Variants in CTDSPL observed in about 807,000 individuals in gnomAD.
CTDSPL encodes CTD small phosphatase-like protein.
In CTDSPL, 8 loss-of-function variants were observed where a neutral mutation model predicts 30.5. That is an observed-to-expected ratio of 0.26 (90% CI 0.15 to 0.47). The LOEUF is 0.47. Ranked by LOEUF, CTDSPL falls within the 20% of genes least tolerant of loss-of-function variation. The probability of loss-of-function intolerance (pLI) is 0.99; values close to 1 mark genes in which losing one functional copy is unlikely to be tolerated. For missense variants in CTDSPL, 248 were observed against 366.1 expected (o/e 0.68, Z 2.63); for synonymous variants, 110 against 137.9 (o/e 0.80, Z 1.42).
intron 1 of CTDSPL, among the ~76,000 whole-genome samples, chr3:37,917,001 G>A (rs1229285405): frequency 6.6e-6 from 1 of 152,166 alleles, no homozygotes; most frequent in African/African-American, 2.4e-5. Context: ...GTTTTCTCCA[G>A]CTTCTTCACA....
intron 7 of CTDSPL, among the ~76,000 whole-genome samples, chr3:37,977,317 G>C (rs1699439954): frequency 6.6e-6 from 1 of 152,040 alleles, no homozygotes; most frequent in South Asian, 2.1e-4. Context: ...ATTTCAATCG[G>C]GATCCAAAAA....
intron 1 of CTDSPL, among the ~76,000 whole-genome samples, chr3:37,892,705 G>A (rs1188698300): frequency 6.6e-6 from 1 of 152,126 alleles, no homozygotes; most frequent in Non-Finnish European, 1.5e-5. Context: ...ACCATAAGCA[G>A]TTCATTTAAA....
intron 1 of CTDSPL, among the ~76,000 whole-genome samples, chr3:37,874,554 A>G (rs1293069799): frequency 6.6e-6 from 1 of 151,990 alleles, no homozygotes; most frequent in East Asian, 1.9e-4. Context: ...ACATGGTGAA[A>G]CCCCGTCTCT....
intron 1 of CTDSPL, among the ~76,000 whole-genome samples, chr3:37,925,693 A>T (rs184336539): frequency 2.6e-4 from 40 of 152,318 alleles, no homozygotes; most frequent in African/African-American, 9.1e-4. Context: ...CTGGGAACAG[A>T]GCAGATAAGC....
At chr3:37,969,853 G>C (rs1237737528) in intron 5 of CTDSPL, among the ~76,000 whole-genome samples, 2 of 152,154 alleles carry the variant, frequency 1.3e-5, no homozygotes, top group African/African-American at 4.8e-5. Flanking sequence ...ACTGAGTCCT[G>C]GCCCTCCTGA....
At chr3:37,929,764 A>G (rs545117071) in intron 1 of CTDSPL, among the ~76,000 whole-genome samples, 66 of 152,244 alleles carry the variant, frequency 4.3e-4, no homozygotes, top group African/African-American at 1.5e-3. Context: ...TGCCTTTTAT[A>G]TCTTTTTCCT....
At chr3:37,894,681 T>C (rs1340606715) in intron 1 of CTDSPL, among the ~76,000 whole-genome samples, 2 of 152,174 alleles carry the variant, frequency 1.3e-5, no homozygotes, top group Non-Finnish European at 1.5e-5. Flanking sequence ...CTTCTGGGAC[T>C]ATGGTTAAAC....
At chr3:37,926,001 A>T (rs1199542057) in intron 1 of CTDSPL, among the ~76,000 whole-genome samples, 1 of 152,112 alleles carries the variant, frequency 6.6e-6, no homozygotes. Context: ...GGAATTTTTT[A>T]AGTTTTGTTC....
At position 37,982,787 on chromosome 3, in the gene CTDSPL, A is replaced by G; in HGVS notation, c.*1920A>G. The G allele has an allele frequency of 2.7e-6, 1 of 372,170 alleles. No homozygotes were observed. The highest frequency in any genetic ancestry group is 5.4e-6 in the Non-Finnish European group (1 of 186,328). The allele number at this position is 372,170 out of a possible 1,614,324, so 23.1% of individuals were successfully genotyped here. A position where few individuals can be genotyped will look rare whatever the true frequency, so the allele number is the denominator to read the frequency against. On this transcript the variant is annotated 3_prime_UTR_variant, in exon 8 of 8. Coordinates refer to ENST00000273179, the MANE Select transcript of CTDSPL (RefSeq NM_001008392.2). ...ACATGGTAGAACTGCCCATGCCACA[A>G]ATATTTATTTGGAAAAGTAGTCATT...
At chr3:37,947,033 A>G (rs762267748) in intron 1 of CTDSPL, 24 bp from the exon 2 acceptor site, 8 of 1,608,384 alleles carry the variant, frequency 5.0e-6, no homozygotes, top group Non-Finnish European at 6.8e-6. Context: ...AGTTGGCCAT[A>G]GTGTGCTCTG....
At chr3:37,920,243 G>A (rs1461351775) in intron 1 of CTDSPL, among the ~76,000 whole-genome samples, 4 of 152,114 alleles carry the variant, frequency 2.6e-5, no homozygotes, top group Non-Finnish European at 4.4e-5. Context: ...TTGTCTTGAG[G>A]GCAGAACCAG....
intron 1 of CTDSPL, among the ~76,000 whole-genome samples, chr3:37,883,499 G>C (rs1362258309): frequency 2.6e-5 from 4 of 152,210 alleles, no homozygotes; most frequent in Non-Finnish European, 5.9e-5. Context: ...ACAAACCACT[G>C]TAGTACTTAA....
intron 1 of CTDSPL, among the ~76,000 whole-genome samples, chr3:37,899,709 G>T (rs1698427706): frequency 6.6e-6 from 1 of 152,150 alleles, no homozygotes; most frequent in Non-Finnish European, 1.5e-5. Flanking sequence ...GGACTCAGAG[G>T]GAGCCTTGAG....
intron 1 of CTDSPL, among the ~76,000 whole-genome samples, chr3:37,928,793 A>G (rs1026169628): frequency 6.6e-6 from 1 of 152,114 alleles, no homozygotes; most frequent in African/African-American, 2.4e-5. Context: ...ATGTAGTGCC[A>G]CTTGTCTATT....
chr3:37,899,019 A>T (rs565584186), intron 1 of CTDSPL, among the ~76,000 whole-genome samples: 1 of 152,348 alleles, frequency 6.6e-6, no homozygotes, highest in East Asian at 1.9e-4. Flanking sequence ...GAAACTTGAG[A>T]TAAACTTGGA....
intron 1 of CTDSPL, among the ~76,000 whole-genome samples, chr3:37,941,658 G>A (rs1486862508): frequency 6.7e-6 from 1 of 150,168 alleles, no homozygotes; most frequent in African/African-American, 2.4e-5. Context: ...CCCAAGTGCT[G>A]GGATACAGGA....
intron 1 of CTDSPL, among the ~76,000 whole-genome samples, chr3:37,893,274 G>T (rs1221477472): frequency 6.6e-6 from 1 of 152,220 alleles, no homozygotes; most frequent in Non-Finnish European, 1.5e-5. Flanking sequence ...AAGGCCAGAA[G>T]AATAGTATGA....
intron 1 of CTDSPL, among the ~76,000 whole-genome samples, chr3:37,877,198 CACCA>C: frequency 6.6e-6 from 1 of 152,156 alleles, no homozygotes; most frequent in East Asian, 1.9e-4. Flanking sequence ...CAGCTATCAC[CACCA>C]TCCATCTCCA....
intron 2 of CTDSPL, among the ~76,000 whole-genome samples, chr3:37,955,780 A>C (rs941109848): frequency 6.6e-6 from 1 of 152,148 alleles, no homozygotes; most frequent in East Asian, 1.9e-4. Context: ...CTGTGCACTA[A>C]ACCCCCATGA....
Sources: allele counts gnomAD v4.1 joint callset (sites outside exome capture counted in the v4.1 genomes callset), GRCh38; gene constraint gnomAD v4.1.1; transcripts MANE v1.5; gene names NCBI Gene and HGNC (gene_info 2026-07-23, HGNC 2026-07-21).